Variants in CHD5 observed in about 807,000 individuals in gnomAD.
CHD5 encodes the protein chromodomain helicase DNA binding protein 5, also known as ATP-dependent chromatin remodeler CHD5.
A neutral mutation model predicts 230.3 loss-of-function variants in CHD5; 69 were observed. The ratio of observed to expected loss-of-function variants is 0.30; its 90% CI spans 0.25 to 0.37. The LOEUF is 0.37. Among genes scored for constraint, CHD5 ranks in the 10% least tolerant of loss-of-function variants. CHD5 has a pLI of 1.00. For missense variants in CHD5, 1,827 were observed against 2,622.8 expected, an observed-to-expected ratio of 0.70 and a Z score of 6.63; for synonymous variants, 1,064 against 1,065.9, an observed-to-expected ratio of 1.00 and a Z score of 0.03.
chr1:6,109,286 A>C (rs1207659213), intron 38 of CHD5, among the ~76,000 whole-genome samples: 2 of 152,054 alleles, frequency 1.3e-5, no homozygotes, highest in Non-Finnish European at 2.9e-5. Flanking sequence ...AGCAACTCTC[A>C]CCACAGGGCC....
At chr1:6,152,669 G>GC in intron 5 of CHD5, 133 bp from the exon 6 acceptor site, 1 of 1,444,308 alleles carries the variant, frequency 6.9e-7, no homozygotes, top group Non-Finnish European at 9.3e-7. Flanking sequence ...CAGATGAGAT[G>GC]CCTGAGGCTT....
chr1:6,179,904 CCCCGCCGCTCTGGCCCCAGGCGCA>C lies in CHD5; in HGVS notation c.79+17_79+40del. 8.6e-7 allele frequency: 1 copy of C among 1,164,118 alleles called. No individual in the cohort carries two copies. Among genetic ancestry groups the C allele is most frequent in the Non-Finnish European group, 1.1e-6 (1 of 916,064 alleles). The allele number at this position is 1,164,118 out of a possible 1,614,324, so 72.1% of individuals were successfully genotyped here. On this transcript the variant is annotated intron_variant, in intron 1 of 41. Coordinates refer to ENST00000262450, the MANE Select transcript of CHD5 (RefSeq NM_015557.3). ...CCCTGGGCCCGGCCCGTCTCGGCGC[CCCCGCCGCTCTGGCCCCAGGCGCA>C]CCCGCGCCCCGCTCACCTGACATCT... is the stretch of plus-strand genomic sequence containing the variant.
Position 6,109,843 on chromosome 1 carries a change from T to C in CHD5, c.5530A>G (p.Lys1844Glu). 6.2e-7 allele frequency: 1 copy of C among 1,612,846 alleles called. No homozygotes were observed. Among genetic ancestry groups the C allele is most frequent in the Non-Finnish European group, 8.5e-7 (1 of 1,179,722 alleles). Residue 1844 changes from lysine (K) to glutamate (E), a missense_variant, in exon 38 of 42, where the codon AAG (lysine) becomes GAG (glutamate). By Grantham distance (56) the Lys-to-Glu change is moderately conservative. Coordinates refer to ENST00000262450, the MANE Select transcript of CHD5 (RefSeq NM_015557.3). Reference sequence around the variant, plus strand: ...GGCTTGTTCCCAGCAAGGGACTCCTTGGACAGGTGCTGGTGGCTCTCGGCG... The same window carrying C: ...GGCTTGTTCCCAGCAAGGGACTCCTCGGACAGGTGCTGGTGGCTCTCGGCG... ...CLAESHQHLS[K>E]ESLAGNKPAN...
rs535386432 is a variant in CHD5, at chr1:6,140,133, T to C, written c.2436+1995A>G. Among the ~76,000 whole-genome samples, 14 of 152,040 alleles carry C rather than the reference T, an allele frequency of 9.2e-5. No homozygotes were observed. In the South Asian group the frequency reaches 2.9e-3, roughly 32 times the overall value. ...ATGCAGAGGCTCAGGCCAGGTGCGGTGGCTCAAGCCTGTAATCCCAGCACC... is the reference window on the plus strand; with the variant it reads ...ATGCAGAGGCTCAGGCCAGGTGCGGCGGCTCAAGCCTGTAATCCCAGCACC... On this transcript the variant is annotated intron_variant, in intron 15 of 41. Transcript: ENST00000262450.
intron 33 of CHD5, among the ~76,000 whole-genome samples, chr1:6,119,146 A>T (rs1666423992): frequency 6.6e-6 from 1 of 150,872 alleles, no homozygotes; most frequent in Non-Finnish European, 1.5e-5. Flanking sequence ...AGCAAAAATA[A>T]ACTTTTTTTT....
Position 6,128,041 on chromosome 1 carries a change from C to T in CHD5, c.3903+5G>A, listed in dbSNP as rs879085687. ...TGCGGATGGAGGGCGGGCCGGGGAC[C>T]TTACCACGCCGTCCTCCTCGCGCAC... On this transcript the variant is annotated splice_donor_5th_base_variant and intron_variant, in intron 25 of 41. Coordinates refer to ENST00000262450, the MANE Select transcript of CHD5 (RefSeq NM_015557.3). This position sits in a 1 kb window ranked among gnomAD's most constrained non-coding sequence, Gnocchi z 7.8. 1.9e-6 allele frequency: 3 copies of T among 1,597,626 alleles called. No individual in the cohort carries two copies. Among genetic ancestry groups the T allele is most frequent in the South Asian group, 2.2e-5 (2 of 88,958 alleles).
At position 6,105,555 on chromosome 1, in the gene CHD5, G is replaced by A; in HGVS notation, c.*47-128C>T. 2.9e-6 allele frequency: 1 copy of A among 344,980 alleles called. No individual in the cohort carries two copies. Among genetic ancestry groups the A allele is most frequent in the Non-Finnish European group, 5.8e-6 (1 of 171,374 alleles). 21.4% of individuals were successfully genotyped at this position (344,980 alleles called of 1,614,324 possible). Reference sequence around the variant, plus strand: ...TATGATCGGGGTGCCCCCCAGCCATGACCTCCCAGCCACAGGCTGCCGGGC... The same window carrying A: ...TATGATCGGGGTGCCCCCCAGCCATAACCTCCCAGCCACAGGCTGCCGGGC... On this transcript the variant is annotated intron_variant, in intron 41 of 41. Transcript: ENST00000262450. This position sits in a 1 kb window ranked among gnomAD's most constrained non-coding sequence, Gnocchi z 4.8.
chr1:6,138,384 A>C (rs1001891903), intron 15 of CHD5, among the ~76,000 whole-genome samples: 2 of 152,122 alleles, frequency 1.3e-5, no homozygotes, highest in African/African-American at 4.8e-5. Flanking sequence ...CTCCAAAAAA[A>C]AAAAAGCAAG....
intron 15 of CHD5, among the ~76,000 whole-genome samples, chr1:6,140,339 G>A (rs1263913876): frequency 2.6e-5 from 4 of 151,228 alleles, no homozygotes; most frequent in African/African-American, 9.7e-5. Flanking sequence ...GGCAGAGGTT[G>A]CAGTGAGCCC....
At position 6,116,397 on chromosome 1, in the gene CHD5, G is replaced by T. The variant is rs544355862; in HGVS notation, c.4913-3399C>A. Among the ~76,000 whole-genome samples, 4 of 152,184 alleles carry T rather than the reference G, an allele frequency of 2.6e-5. No homozygotes were observed. The East Asian group carries it at 7.7e-4, about 29-fold the overall frequency. ...GAGAATTTTCCCACAATTGATGCAG[G>T]ACATAAATATTCAGCTTTAAGAATC... On this transcript the variant is annotated intron_variant, in intron 33 of 41. Transcript: ENST00000262450.
Position 6,123,431 on chromosome 1 carries a change from CT to C in CHD5, c.4699+516del, listed in dbSNP as rs112184388. Among the ~76,000 whole-genome samples the C allele has an allele frequency of 3.0e-3, 432 of 146,428 alleles. 2 individuals are homozygous for C. The highest frequency in any genetic ancestry group is 0.011 in the Middle Eastern group (3 of 282). On this transcript the variant is annotated intron_variant, in intron 31 of 41. Transcript: ENST00000262450. ...ATATACTAGAAATCACTGAATAGTA[CT>C]TTTTTTTTTTTGAGATGGAGTCTTG...
intron 8 of CHD5, 34 bp downstream of exon 8, chr1:6,149,212 C>G: frequency 1.3e-6 from 2 of 1,537,352 alleles, no homozygotes; most frequent in Non-Finnish European, 1.8e-6. Flanking sequence ...CAGGCGTGGC[C>G]CCGCCCCCAG....
In CHD5 at chr1:6,168,619, T is replaced by A. The variant is rs574742215; in HGVS notation, c.80-342A>T. Among the ~76,000 whole-genome samples, 776 of 152,250 alleles carry A rather than the reference T, an allele frequency of 5.1e-3. 7 individuals are homozygous for A. The highest frequency in any genetic ancestry group is 0.016 in the African/African-American group (681 of 41,540). ...CCATCACTGCCGGAGAAACGGAGCA[T>A]CTCTACCAGGAAGGAGTTGGGGCTG... On this transcript the variant is annotated intron_variant, in intron 1 of 41. Coordinates refer to ENST00000262450, the MANE Select transcript of CHD5 (RefSeq NM_015557.3).
In CHD5 at chr1:6,160,231, A is replaced by G. The variant is rs1367870743; in HGVS notation, c.208-716T>C. Reference sequence around the variant, plus strand: ...CTAGCCAGGGAAGGGCCCCAGCCAGAGAAGGGCCCCAGCCAGAGAAGGAGA... The same window carrying G: ...CTAGCCAGGGAAGGGCCCCAGCCAGGGAAGGGCCCCAGCCAGAGAAGGAGA... On this transcript the variant is annotated intron_variant, in intron 2 of 41. Transcript: ENST00000262450. 3.4e-3 allele frequency among the ~76,000 whole-genome samples: 164 copies of G among 48,590 alleles called. 6 individuals are homozygous for G. The highest frequency in any genetic ancestry group is 0.025 in the African/African-American group (139 of 5,466). The allele number at this position is 48,590 out of a possible 152,430, so 31.9% of individuals were successfully genotyped here.
intron 6 of CHD5, among the ~76,000 whole-genome samples, chr1:6,151,440 C>G (rs933516949): frequency 1.3e-5 from 2 of 152,220 alleles, no homozygotes; most frequent in South Asian, 4.1e-4. Flanking sequence ...TGCCAAACTC[C>G]TAAACATCCT....
chr1:6,151,086 C>G lies in CHD5; in HGVS notation c.940G>C (p.Glu314Gln). 4 of 1,609,070 alleles carry G rather than the reference C, an allele frequency of 2.5e-6. No homozygotes were observed. Among genetic ancestry groups the G allele is most frequent in the Non-Finnish European group, 3.4e-6 (4 of 1,177,384 alleles). The change falls in exon 7 of 42, where the codon GAA becomes CAA. Residue 314 changes from glutamate (E) to glutamine (Q), a missense_variant. Coordinates refer to ENST00000262450, the MANE Select transcript of CHD5 (RefSeq NM_015557.3). ...ASIHSASVRS[E>Q]CSAALGKKSK... is the part of the protein sequence containing the mutation. The stretch of plus-strand genomic sequence containing the variant: ...TTCTTGCCCAGGGCTGCAGAGCATT[C>G]GGAGCGCACGGAGGCACTGTGGATG...
At position 6,121,533 on chromosome 1, in the gene CHD5, G is replaced by A. The variant is rs866978202; in HGVS notation, c.4740C>T (p.Asp1580=). 1 of 1,613,126 alleles carries A rather than the reference G, an allele frequency of 6.2e-7. No homozygotes were observed. The highest frequency in any genetic ancestry group is 1.3e-5 in the African/African-American group (1 of 74,918). Residue 1580 remains aspartate, a synonymous_variant, in exon 32 of 42, where the codon GAC becomes GAT. Coordinates refer to ENST00000262450, the MANE Select transcript of CHD5 (RefSeq NM_015557.3). This position sits in a 1 kb window ranked among gnomAD's most constrained non-coding sequence, Gnocchi z 4.5. ...GCTGCCTTGGCTTCTGTGCCCCGGG[G>A]TCTTTCTCATCCATGTAGCCCAGCT... ...EAQLGYMDEK[D]PGAQKPRQPL... is the part of the protein sequence containing the mutation.
In CHD5 at chr1:6,128,643, A is replaced by T; in HGVS notation, c.3620-34T>A. ...CAGAGAAGGAAAGCACTGGTGCAGG[A>T]CCACAGAGGGCTGCAGGGTTGGCGG... On this transcript the variant is annotated intron_variant, in intron 23 of 41. Coordinates refer to ENST00000262450, the MANE Select transcript of CHD5 (RefSeq NM_015557.3). This position sits in a 1 kb window ranked among gnomAD's most constrained non-coding sequence, Gnocchi z 7.8. 6.5e-7 allele frequency: 1 copy of T among 1,542,310 alleles called. No homozygotes were observed. The highest frequency in any genetic ancestry group is 9.0e-7 in the Non-Finnish European group (1 of 1,116,268).
chr1:6,119,865 T>TATA (rs371276699), intron 33 of CHD5, among the ~76,000 whole-genome samples: 240 of 57,802 alleles, frequency 4.2e-3, no homozygotes, highest in South Asian at 0.031. Flanking sequence ...TATATATATA[T>TATA]TTTTTTTTTT....
Sources: allele counts gnomAD v4.1 joint callset (sites outside exome capture counted in the v4.1 genomes callset), GRCh38; gene constraint gnomAD v4.1.1; non-coding constraint Gnocchi (gnomAD v3.1); transcripts MANE v1.5; gene names NCBI Gene and HGNC (gene_info 2026-07-23, HGNC 2026-07-21).